Variants in FBXO4 observed in about 807,000 individuals in gnomAD.
FBXO4 encodes the protein F-box only protein 4.
A neutral mutation model predicts 43.7 loss-of-function variants in FBXO4; 36 were observed. That is an observed-to-expected ratio of 0.82 (90% confidence interval 0.63 to 1.09). The LOEUF (loss-of-function observed/expected upper bound fraction) is 1.09. FBXO4 is among the 50% of genes least tolerant of loss of function. The pLI is 0.00. For synonymous variants in FBXO4, 180 were observed against 165.6 expected, an observed-to-expected ratio of 1.09 and a Z score of -0.67; for missense variants, 435 against 474.1, an observed-to-expected ratio of 0.92 and a Z score of 0.77.
Position 41,941,653 on chromosome 5 carries a change from T to C in FBXO4, c.*372T>C. 5.9e-6 allele frequency: 1 copy of C among 169,354 alleles called. No homozygotes were observed. The highest frequency in any genetic ancestry group is 1.5e-4 in the South Asian group (1 of 6,836). The allele number at this position is 169,354 out of a possible 1,614,324, so 10.5% of individuals were successfully genotyped here. Reference sequence around the variant, plus strand: ...GAGAAATAGCAAATTTGCTAAACTTTCTATTCAGTCTTTTCAAGGGTTCAT... The same window carrying C: ...GAGAAATAGCAAATTTGCTAAACTTCCTATTCAGTCTTTTCAAGGGTTCAT... On this transcript the variant is annotated 3_prime_UTR_variant, in exon 7 of 7. Transcript: ENST00000281623.
chr5:42,031,962 G>A, the FBXO4 span, among the ~76,000 whole-genome samples: 1 of 152,174 alleles, frequency 6.6e-6, no homozygotes, highest in East Asian at 1.9e-4. Flanking sequence ...AGATTCAGGA[G>A]AATTCTCTGG....
At chr5:41,995,747 T>TC in the FBXO4 span, among the ~76,000 whole-genome samples, 1 of 152,164 alleles carries the variant, frequency 6.6e-6, no homozygotes, top group African/African-American at 2.4e-5. Flanking sequence ...ACATACCTCT[T>TC]CCCCTTTCTT....
chr5:41,972,190 C>A, the FBXO4 span, among the ~76,000 whole-genome samples: 3 of 152,062 alleles, frequency 2.0e-5, no homozygotes, highest in Middle Eastern at 3.2e-3. Context: ...ACCTAAAAAA[C>A]CCCATCCCAT....
At chr5:41,966,860 T>C in the FBXO4 span, among the ~76,000 whole-genome samples, 1 of 152,312 alleles carries the variant, frequency 6.6e-6, no homozygotes, top group East Asian at 1.9e-4. Flanking sequence ...CTTGACAAAG[T>C]TAAGCATTCA....
chr5:41,931,453 A>C (rs1751685110), intron 3 of FBXO4, among the ~76,000 whole-genome samples: 4 of 152,220 alleles, frequency 2.6e-5, no homozygotes, highest in Admixed American at 2.6e-4. Flanking sequence ...CTGTATAGGG[A>C]GAATGGCAGC....
At chr5:41,958,131 ATTTT>A in the FBXO4 span, among the ~76,000 whole-genome samples, 2 of 128,812 alleles carry the variant, frequency 1.6e-5, no homozygotes. Flanking sequence ...CTGTTAACAA[ATTTT>A]TTTTTTTTTT....
chr5:41,992,807 AG>A, the FBXO4 span, among the ~76,000 whole-genome samples: 1 of 152,226 alleles, frequency 6.6e-6, no homozygotes, highest in Non-Finnish European at 1.5e-5. Context: ...ACAAATTTTG[AG>A]TTAAAATATT....
At chr5:41,965,199 T>G in the FBXO4 span, among the ~76,000 whole-genome samples, 3 of 152,180 alleles carry the variant, frequency 2.0e-5, no homozygotes, top group Admixed American at 2.0e-4. Flanking sequence ...GTTGTAGACA[T>G]GCAGCATTAT....
At chr5:42,025,001 G>T in the FBXO4 span, among the ~76,000 whole-genome samples, 1 of 151,954 alleles carries the variant, frequency 6.6e-6, no homozygotes, top group African/African-American at 2.4e-5. Context: ...GAACAGTGCC[G>T]CAACAAATAT....
At chr5:41,992,786 C>A in the FBXO4 span, among the ~76,000 whole-genome samples, 3 of 152,254 alleles carry the variant, frequency 2.0e-5, no homozygotes, top group Admixed American at 2.0e-4. Context: ...TAAGTGATTT[C>A]TAGAATAAAA....
chr5:42,035,651 G>T, the FBXO4 span, among the ~76,000 whole-genome samples: 1 of 152,032 alleles, frequency 6.6e-6, no homozygotes, highest in Non-Finnish European at 1.5e-5. Flanking sequence ...ACCATGGTTT[G>T]TCTGCCAGCA....
chr5:41,978,733 T>C, the FBXO4 span, among the ~76,000 whole-genome samples: 2 of 152,226 alleles, frequency 1.3e-5, no homozygotes, highest in South Asian at 2.1e-4. Context: ...AATAAACATA[T>C]ATTTTTATTC....
At chr5:41,980,857 T>C in the FBXO4 span, among the ~76,000 whole-genome samples, 2 of 151,936 alleles carry the variant, frequency 1.3e-5, no homozygotes, top group East Asian at 3.9e-4. Flanking sequence ...TTGGAAAATA[T>C]AGACAAGATT....
rs1397761580 is a variant in FBXO4 at position 41,934,260 on chromosome 5, G to C, written c.850G>C (p.Glu284Gln). ...GATTCCACAGATTCAAAAAGTGTGT[G>C]AAGTTGTAGATGGGTTCATCTATGT... is the stretch of plus-strand genomic sequence containing the variant. ...SVIPQIQKVC[E>Q]VVDGFIYVAN... The change falls in exon 5 of 7, where the codon GAA becomes CAA. Residue 284 changes from glutamate (E) to glutamine (Q), a missense_variant. By Grantham distance (29) the Glu-to-Gln change is conservative. Coordinates refer to ENST00000281623, the MANE Select transcript of FBXO4 (RefSeq NM_012176.3). The C allele has an allele frequency of 6.2e-7, 1 of 1,614,174 alleles. No individual in the cohort carries two copies. Among genetic ancestry groups the C allele is most frequent in the Admixed American group, 1.7e-5 (1 of 60,022 alleles).
chr5:41,968,912 A>G, the FBXO4 span, among the ~76,000 whole-genome samples: 17 of 152,180 alleles, frequency 1.1e-4, no homozygotes, highest in African/African-American at 4.1e-4. Context: ...GATTTTATGA[A>G]TGCCCATTCT....
chr5:41,975,763 T>C, the FBXO4 span, among the ~76,000 whole-genome samples: 3 of 152,218 alleles, frequency 2.0e-5, no homozygotes, highest in Admixed American at 6.5e-5. Context: ...TTTTATAAAC[T>C]TTTTTGATCT....
At chr5:41,957,573 T>G in the FBXO4 span, among the ~76,000 whole-genome samples, 1 of 151,282 alleles carries the variant, frequency 6.6e-6, no homozygotes, top group African/African-American at 2.4e-5. Context: ...TATTTCATCT[T>G]TCATTTCTAG....
At chr5:41,942,066 A>C (rs1252932756), downstream of FBXO4, among the ~76,000 whole-genome samples, 1 of 152,146 alleles carries the variant, frequency 6.6e-6, no homozygotes, top group African/African-American at 2.4e-5. Flanking sequence ...ATAAATATCT[A>C]TATATAGTTT....
At chr5:42,036,084 C>T in the FBXO4 span, among the ~76,000 whole-genome samples, 1 of 152,066 alleles carries the variant, frequency 6.6e-6, no homozygotes, top group Non-Finnish European at 1.5e-5. Context: ...TTAAAACAGT[C>T]TCATATACTC....
Sources: allele counts gnomAD v4.1 joint callset (sites outside exome capture counted in the v4.1 genomes callset), GRCh38; gene constraint gnomAD v4.1.1; transcripts MANE v1.5; gene names NCBI Gene and HGNC (gene_info 2026-07-23, HGNC 2026-07-21).